Variants in MYO6 observed in about 807,000 individuals in gnomAD.
The protein encoded by MYO6 is myosin VI.
Under a neutral mutation model 178.7 loss-of-function variants are expected in MYO6, and 74 were observed. That is an observed-to-expected ratio of 0.41 (90% confidence interval 0.34 to 0.50). The LOEUF is 0.50. MYO6 is among the 20% of genes least tolerant of loss of function. The pLI is 0.09. For missense variants in MYO6, 1,330 were observed against 1,547.4 expected, an observed-to-expected ratio of 0.86 and a Z score of 2.36; for synonymous variants, 477 against 504.6, an observed-to-expected ratio of 0.95 and a Z score of 0.73.
intron 15 of MYO6, among the ~76,000 whole-genome samples, chr6:75,862,168 G>A (rs1242902093): frequency 6.6e-6 from 1 of 152,206 alleles, no homozygotes; most frequent in Non-Finnish European, 1.5e-5. Context: ...GTAAAAATGT[G>A]TTGTTACAGA....
chr6:75,862,835 A>C, intron 16 of MYO6, 112 bp downstream of exon 16: 1 of 1,222,792 alleles, frequency 8.2e-7, no homozygotes, highest in South Asian at 1.2e-5. Flanking sequence ...TGGCGTGTAT[A>C]GAGCAACTAT....
intron 11 of MYO6, among the ~76,000 whole-genome samples, chr6:75,852,677 A>G (rs1425377348): frequency 6.6e-6 from 1 of 152,234 alleles, no homozygotes; most frequent in Non-Finnish European, 1.5e-5. Context: ...ATTTAGCAGT[A>G]CTTCATTTTA....
chr6:75,862,532 G>T, intron 15 of MYO6, 64 bp from the exon 16 acceptor site: 1 of 1,408,312 alleles, frequency 7.1e-7, no homozygotes, highest in Non-Finnish European at 1.0e-6. Flanking sequence ...TTAGTGAATT[G>T]TTCACATATC....
Position 75,890,217 on chromosome 6 carries a change from G to T in MYO6, c.2819G>T (p.Arg940Leu), listed in dbSNP as rs889807763. The change falls in exon 26 of 35, where the codon CGT (arginine) becomes CTT (leucine). Residue 940 changes from arginine (R) to leucine (L), a missense_variant. Arg to Leu is a moderately radical substitution (Grantham distance 102, BLOSUM62 -2). Transcript: ENST00000369977. Reference protein sequence around the residue: ...QEEMEKERKRREEDEKRRRKE... With the variant: ...QEEMEKERKRLEEDEKRRRKE... ...GAAATGGAAAAGGAAAGAAAAAGAC[G>T]TGAAGAAGACGAAAAACGTCGAAGA... 2 of 1,611,422 alleles carry T rather than the reference G, an allele frequency of 1.2e-6. No homozygotes were observed. Among genetic ancestry groups the T allele is most frequent in the East Asian group, 2.2e-5 (1 of 44,860 alleles).
rs1254122343 is a variant in MYO6 at position 75,916,536 on chromosome 6, CCCT to C, written c.*1526_*1528del. The C allele has an allele frequency of 5.0e-4, 76 of 152,718 alleles. No homozygotes were observed. The highest frequency in any genetic ancestry group is 1.7e-3 in the African/African-American group (71 of 41,570). 9.5% of individuals were successfully genotyped at this position (152,718 alleles called of 1,614,324 possible). ...CTGTATTACTGCATAGCTTCACCCACCCTCGGGTCATTTCGTCCCTGTGATTGG... is the reference window on the plus strand; with the variant it reads ...CTGTATTACTGCATAGCTTCACCCACCGGGTCATTTCGTCCCTGTGATTGG... On this transcript the variant is annotated 3_prime_UTR_variant, in exon 35 of 35. Coordinates refer to ENST00000369977, the MANE Select transcript of MYO6 (RefSeq NM_004999.4).
chr6:75,818,010 AGTT>A (rs1157560687), intron 2 of MYO6, among the ~76,000 whole-genome samples: 1 of 152,180 alleles, frequency 6.6e-6, no homozygotes, highest in Non-Finnish European at 1.5e-5. Context: ...ACATTACTAA[AGTT>A]ATTAGTGTGT....
intron 1 of MYO6, among the ~76,000 whole-genome samples, chr6:75,779,564 C>T (rs1766752489): frequency 6.6e-6 from 1 of 151,924 alleles, no homozygotes; most frequent in Non-Finnish European, 1.5e-5. Flanking sequence ...GACAGCATAT[C>T]TGTTTTAATT....
chr6:75,907,371 C>G (rs188982563), intron 30 of MYO6, among the ~76,000 whole-genome samples: 1 of 152,180 alleles, frequency 6.6e-6, no homozygotes, highest in African/African-American at 2.4e-5. Context: ...ATATTAGAAT[C>G]AAAAGTTTGG....
At chr6:75,814,337 C>A (rs1054619114) in intron 1 of MYO6, among the ~76,000 whole-genome samples, 5 of 152,074 alleles carry the variant, frequency 3.3e-5, no homozygotes, top group Non-Finnish European at 7.3e-5. Flanking sequence ...TCCAGTGCCT[C>A]TTTCTTTGAT....
intron 3 of MYO6, among the ~76,000 whole-genome samples, chr6:75,826,765 A>G (rs541476409): frequency 1.3e-5 from 2 of 152,090 alleles, no homozygotes; most frequent in Non-Finnish European, 2.9e-5. Flanking sequence ...CCCACTTCTT[A>G]CTCTCTTTTA....
chr6:75,909,711 G>T (rs931914157), intron 32 of MYO6, among the ~76,000 whole-genome samples: 1 of 152,106 alleles, frequency 6.6e-6, no homozygotes, highest in Non-Finnish European at 1.5e-5. Flanking sequence ...GCTTAATTCT[G>T]GTTAACATCA....
intron 1 of MYO6, among the ~76,000 whole-genome samples, chr6:75,809,732 A>G (rs906541039): frequency 2.6e-5 from 4 of 152,002 alleles, no homozygotes; most frequent in Non-Finnish European, 4.4e-5. Context: ...TTGTCTAAAG[A>G]CTGGAAGTCA....
intron 23 of MYO6, among the ~76,000 whole-genome samples, chr6:75,884,830 G>T (rs542196487): frequency 2.0e-5 from 3 of 152,242 alleles, no homozygotes; most frequent in Admixed American, 6.5e-5. Context: ...AATATCTGGA[G>T]CACTGATTTT....
At chr6:75,758,163 A>T (rs1777632596) in intron 1 of MYO6, among the ~76,000 whole-genome samples, 1 of 151,060 alleles carries the variant, frequency 6.6e-6, no homozygotes, top group South Asian at 2.1e-4. Context: ...TTTTTAGTAG[A>T]CACGGGGTTT....
chr6:75,787,433 A>G (rs1767681082), intron 1 of MYO6, among the ~76,000 whole-genome samples: 2 of 152,104 alleles, frequency 1.3e-5, no homozygotes, highest in Admixed American at 1.3e-4. Context: ...GACAGCCACA[A>G]CAACATGCAT....
intron 10 of MYO6, among the ~76,000 whole-genome samples, chr6:75,847,191 G>C (rs1167560758): frequency 6.6e-6 from 1 of 152,082 alleles, no homozygotes; most frequent in Non-Finnish European, 1.5e-5. Flanking sequence ...AGTTTTGGCT[G>C]CATGTGATTG....
chr6:75,826,541 G>C (rs919131669), intron 3 of MYO6, among the ~76,000 whole-genome samples: 2 of 152,168 alleles, frequency 1.3e-5, no homozygotes, highest in African/African-American at 4.8e-5. Context: ...AGAGGAAAGT[G>C]AGAGAGATGG....
chr6:75,863,134 C>T (rs1359375755), intron 16 of MYO6, among the ~76,000 whole-genome samples: 2 of 152,126 alleles, frequency 1.3e-5, no homozygotes, highest in Non-Finnish European at 2.9e-5. Context: ...TCTTCATGGT[C>T]TCCCTTCTGA....
chr6:75,812,885 C>T (rs1280044), intron 1 of MYO6, among the ~76,000 whole-genome samples: 40,257 of 152,038 alleles, frequency 0.26, 7,856 homozygotes, highest in African/African-American at 0.55. Flanking sequence ...ATCTTGGCTA[C>T]TGAGTATAGT....
Sources: gnomAD v4.1 joint callset for allele counts (sites outside exome capture counted in the v4.1 genomes callset) on GRCh38, gnomAD v4.1.1 for gene constraint, MANE v1.5 for transcripts, NCBI Gene and HGNC (gene_info 2026-07-23, HGNC 2026-07-21) for gene names.